The following ZIC4 variants were observed in gnomAD, a reference collection of about 807,000 sequenced individuals.
ZIC4 encodes Zic family zinc finger 4, also known as zinc finger protein ZIC 4.
A neutral mutation model predicts 28.8 loss-of-function variants in ZIC4; 15 were observed. The ratio of observed to expected loss-of-function variants is 0.52; its 90% CI spans 0.35 to 0.80. The LOEUF (loss-of-function observed/expected upper bound fraction) is 0.80. ZIC4 is among the 30% of genes least tolerant of loss of function. The probability of loss-of-function intolerance (pLI) is 0.01; values close to 1 mark genes in which losing one functional copy is unlikely to be tolerated. For missense variants in ZIC4, 512 were observed against 467.1 expected (o/e 1.10, Z -0.89); for synonymous variants, 220 against 198.1 (o/e 1.11, Z -0.93).
rs1015898602 is a variant in ZIC4, at chr3:147,403,846, C to G, written c.-15-1034G>C. The G allele has an allele frequency of 1.5e-5, 14 of 916,380 alleles. No homozygotes were observed. The African/African-American group carries it at 2.0e-4, about 13-fold the overall frequency. 56.8% of individuals were successfully genotyped at this position (916,380 alleles called of 1,614,324 possible). A position where few individuals can be genotyped will look rare whatever the true frequency, so the allele number is the denominator to read the frequency against. ...TCCAGTTCTCTATGCACAAAGATCT[C>G]TCTCTCTCTCTCTCCCCCTCAACGT... On this transcript the variant is annotated intron_variant, in intron 1 of 4. Transcript: ENST00000383075.
intron 1 of ZIC4, chr3:147,405,337 GA>G (rs755958280): frequency 6.6e-7 from 1 of 1,512,830 alleles, no homozygotes; most frequent in African/African-American, 1.4e-5. Context: ...GGGTCGCTGC[GA>G]GGACAATACT....
In ZIC4 at chr3:147,402,603, T is replaced by C. The variant is rs1180720718; in HGVS notation, c.70+125A>G. The C allele has an allele frequency of 6.5e-6, 5 of 767,372 alleles. No homozygotes were observed. The Admixed American group carries it at 8.7e-5, about 13-fold the overall frequency. The allele number at this position is 767,372 out of a possible 1,614,324, so 47.5% of individuals were successfully genotyped here. ...TAAGTTTCATTTGAACTCAAGAAAC[T>C]CCCCCCAAACTCTCAACCCAACATA... is the stretch of plus-strand genomic sequence containing the variant. On this transcript the variant is annotated intron_variant, in intron 2 of 4. Transcript: ENST00000383075.
chr3:147,392,244 A>C, intron 3 of ZIC4: 2 of 983,946 alleles, frequency 2.0e-6, no homozygotes, highest in Non-Finnish European at 2.4e-6. Context: ...TCGGGAAGAA[A>C]ACAGCTGCTG....
Position 147,396,242 on chromosome 3 carries a change from C to G in ZIC4, c.298G>C (p.Gly100Arg), listed in dbSNP as rs1247223939. ...AAAAALHGYG[G>R]MNLTVNLAAP... Reference sequence around the variant, plus strand: ...GCGAGGTTCACCGTCAGGTTCATGCCCCCGTAGCCATGCAGGGCTGCGGCA... The same window carrying G: ...GCGAGGTTCACCGTCAGGTTCATGCGCCCGTAGCCATGCAGGGCTGCGGCA... Residue 100 changes from glycine to arginine, a missense_variant, in exon 3 of 5, where the codon GGC (glycine) becomes CGC (arginine). Around this residue, in one of 3 missense-constraint regions of ZIC4, gnomAD observed 310 missense variants for 256.5 expected, o/e 1.21. Coordinates refer to ENST00000383075, the MANE Select transcript of ZIC4 (RefSeq NM_032153.6). The surrounding 1 kb of genome is among the most constrained non-coding windows in gnomAD (Gnocchi z 4.2). 6.2e-7 allele frequency: 1 copy of G among 1,613,702 alleles called. No homozygotes were observed. Among genetic ancestry groups the G allele is most frequent in the Non-Finnish European group, 8.5e-7 (1 of 1,179,834 alleles).
intron 2 of ZIC4, among the ~76,000 whole-genome samples, chr3:147,398,116 G>C (rs2087088333): frequency 6.6e-6 from 1 of 152,214 alleles, no homozygotes; most frequent in African/African-American, 2.4e-5. Context: ...CCGCAGGCCT[G>C]CTGGCCAAAG....
intron 2 of ZIC4, among the ~76,000 whole-genome samples, chr3:147,399,942 A>G (rs2087130950): frequency 6.6e-6 from 1 of 152,190 alleles, no homozygotes; most frequent in Non-Finnish European, 1.5e-5. Context: ...CTGGGATTAC[A>G]GGCGTGAGCC....
chr3:147,405,107 C>T lies in ZIC4; in HGVS notation c.-16+1256G>A, dbSNP rs549362100. On this transcript the variant is annotated intron_variant, in intron 1 of 4. Transcript: ENST00000383075. ...CTCAAGCGCCAGGAGTTTGCTGAGGCTGGGTTGTGCAGGGGCCTTTACTCA... is the reference window on the plus strand; with the variant it reads ...CTCAAGCGCCAGGAGTTTGCTGAGGTTGGGTTGTGCAGGGGCCTTTACTCA... Among the ~76,000 whole-genome samples the T allele has an allele frequency of 7.2e-5, 11 of 152,334 alleles. No individual in the cohort carries two copies. The East Asian group carries it at 1.9e-3, about 27-fold the overall frequency.
chr3:147,393,569 AG>A (rs2086972718), intron 3 of ZIC4: 1 of 267,188 alleles, frequency 3.7e-6, no homozygotes, highest in Non-Finnish European at 7.4e-6. Context: ...CAGTCCTGAA[AG>A]GCCTCCTCTC....
chr3:147,397,271 T>C (rs1025277569), intron 2 of ZIC4: 1 of 152,004 alleles, frequency 6.6e-6, no homozygotes, highest in Non-Finnish European at 1.5e-5. Context: ...GGGTAGCCCA[T>C]TGGCCCGCGG....
chr3:147,405,347 CT>C lies in ZIC4; in HGVS notation c.-16+1015del, dbSNP rs777373343. 38 of 1,525,808 alleles carry C rather than the reference CT, an allele frequency of 2.5e-5. No individual in the cohort carries two copies. The South Asian group carries it at 4.0e-4, about 16-fold the overall frequency. The allele number at this position is 1,525,808 out of a possible 1,614,324, so 94.5% of individuals were successfully genotyped here. A position where few individuals can be genotyped will look rare whatever the true frequency, so the allele number is the denominator to read the frequency against. ...GGTGTGGGTCGCTGCGAGGACAATA[CT>C]GTCGGAAAGCGGGGAAAACATGACC... On this transcript the variant is annotated intron_variant, in intron 1 of 4. Coordinates refer to ENST00000383075, the MANE Select transcript of ZIC4 (RefSeq NM_032153.6).
intron 2 of ZIC4, among the ~76,000 whole-genome samples, chr3:147,399,910 C>T (rs1004344584): frequency 6.6e-6 from 1 of 152,146 alleles, no homozygotes; most frequent in Non-Finnish European, 1.5e-5. Flanking sequence ...AGGTGACCTG[C>T]CCACTTCGGC....
chr3:147,403,869 C>A (rs1467016742), intron 1 of ZIC4: 4 of 1,228,442 alleles, frequency 3.3e-6, no homozygotes, highest in Admixed American at 2.7e-5. Context: ...TCCCCCTCAA[C>A]GTCCAACCAG....
intron 3 of ZIC4, chr3:147,393,823 C>T (rs1239571140): frequency 4.4e-6 from 2 of 453,570 alleles, no homozygotes; most frequent in Non-Finnish European, 8.9e-6. Flanking sequence ...CCAGGCCGAG[C>T]GCGGTTGCTG....
At chr3:147,393,333 C>G (rs1468773204) in intron 3 of ZIC4, 3 of 153,102 alleles carry the variant, frequency 2.0e-5, no homozygotes, top group Non-Finnish European at 2.9e-5. Context: ...CAGCTTGCTC[C>G]GGAGCTGCAG....
chr3:147,398,995 A>C (rs1311341999), intron 2 of ZIC4, among the ~76,000 whole-genome samples: 19 of 151,908 alleles, frequency 1.3e-4, no homozygotes, highest in Admixed American at 1.2e-3. Context: ...ATTAACTTCC[A>C]CAACAATTTC....
chr3:147,405,416 G>A (rs1290473533), intron 1 of ZIC4: 1 of 1,537,198 alleles, frequency 6.5e-7, no homozygotes, highest in East Asian at 2.4e-5. Flanking sequence ...GACGGCCGAA[G>A]TGCAACCCTC....
intron 2 of ZIC4, among the ~76,000 whole-genome samples, chr3:147,401,694 G>T (rs1360174505): frequency 2.0e-5 from 3 of 151,744 alleles, no homozygotes; most frequent in Non-Finnish European, 4.4e-5. Context: ...GTGCAAAGGA[G>T]ATGAGATCTG....
At chr3:147,405,212 G>A (rs1389078550) in intron 1 of ZIC4, among the ~76,000 whole-genome samples, 1 of 152,208 alleles carries the variant, frequency 6.6e-6, no homozygotes, top group Non-Finnish European at 1.5e-5. Context: ...CGGGTGCCCA[G>A]AATAGAGTTT....
rs961981704 is a variant in ZIC4 at position 147,391,071 on chromosome 3, G to A, written c.864C>T (p.His288=). 18 of 1,613,866 alleles carry A rather than the reference G, an allele frequency of 1.1e-5. No individual in the cohort carries two copies. The highest frequency in any genetic ancestry group is 1.5e-5 in the Non-Finnish European group (18 of 1,180,046). The change falls in exon 4 of 5, where the codon CAC becomes CAT. Residue 288 remains histidine (H), a synonymous_variant. Transcript: ENST00000383075. ...PSSLRKHMKV[H]GRSPPPSSGY... is the part of the protein sequence containing the mutation. ...CAGAGCTGGGCGGCGGCGAGCGCCC[G>A]TGCACCTTCATGTGCTTACGCAGCG... is the stretch of plus-strand genomic sequence containing the variant.
Sources: allele counts gnomAD v4.1 joint callset (sites outside exome capture counted in the v4.1 genomes callset), GRCh38; gene constraint gnomAD v4.1.1; regional missense constraint gnomAD v4.1.1; non-coding constraint Gnocchi (gnomAD v3.1); transcripts MANE v1.5; gene names NCBI Gene and HGNC (gene_info 2026-07-23, HGNC 2026-07-21).